Variants in DENND4C observed in about 807,000 individuals in gnomAD.
The protein encoded by DENND4C is DENN domain-containing protein 4C.
In DENND4C, 108 loss-of-function variants were observed where a neutral mutation model predicts 203.0. The ratio of observed to expected loss-of-function variants is 0.53; its 90% CI spans 0.46 to 0.62. DENND4C has a LOEUF of 0.62. DENND4C is among the 20% of genes least tolerant of loss of function. The pLI is 0.00. For missense variants in DENND4C, 2,481 were observed against 2,301.2 expected (o/e 1.08, Z -1.60); for synonymous variants, 871 against 792.4 (o/e 1.10, Z -1.67).
At chr9:19,249,749 T>TA (rs1292157263) in intron 1 of DENND4C, among the ~76,000 whole-genome samples, 8 of 151,950 alleles carry the variant, frequency 5.3e-5, no homozygotes, top group African/African-American at 1.9e-4. Context: ...CAGTGGCACT[T>TA]ACGGCTCAAA....
Position 19,294,040 on chromosome 9 carries a change from T to C in DENND4C, c.802-1968T>C, listed in dbSNP as rs77157522. 5.0e-3 allele frequency among the ~76,000 whole-genome samples: 758 copies of C among 152,240 alleles called. 5 individuals are homozygous for C. Among genetic ancestry groups the C allele is most frequent in the African/African-American group, 0.017 (721 of 41,538 alleles). Reference sequence around the variant, plus strand: ...AAGTGTTTAGATGATGAGCTCACTTTTGAAAATATTGGTTTGAGATGCCTG... The same window carrying C: ...AAGTGTTTAGATGATGAGCTCACTTCTGAAAATATTGGTTTGAGATGCCTG... On this transcript the variant is annotated intron_variant, in intron 5 of 32. Transcript: ENST00000434457.
chr9:19,347,464 T>C (rs1187015982), intron 23 of DENND4C, among the ~76,000 whole-genome samples: 2 of 152,202 alleles, frequency 1.3e-5, no homozygotes, highest in African/African-American at 2.4e-5. Flanking sequence ...ATATTTTGCA[T>C]AGTCTATCTA....
In DENND4C at chr9:19,263,998, A is replaced by G. The variant is rs375582412; in HGVS notation, c.-17-12160A>G. 2.6e-5 allele frequency among the ~76,000 whole-genome samples: 4 copies of G among 152,208 alleles called. No individual in the cohort carries two copies. The East Asian group carries it at 7.7e-4, about 29-fold the overall frequency. ...TGATGTGTCTTTGTCTGGTTTTGGT[A>G]ACAGGTTCATACTGGCCTTACAGAA... On this transcript the variant is annotated intron_variant, in intron 1 of 32. Transcript: ENST00000434457.
intron 1 of DENND4C, among the ~76,000 whole-genome samples, chr9:19,240,049 C>T (rs1823278713): frequency 6.6e-6 from 1 of 152,188 alleles, no homozygotes; most frequent in South Asian, 2.1e-4. Flanking sequence ...CTGTTTATTT[C>T]TCCTTTCAGG....
intron 12 of DENND4C, among the ~76,000 whole-genome samples, chr9:19,320,903 T>G (rs1842773743): frequency 6.6e-6 from 1 of 152,234 alleles, no homozygotes; most frequent in Admixed American, 6.5e-5. Flanking sequence ...TTTATTTCTA[T>G]TTTATTTAAG....
intron 7 of DENND4C, 71 bp downstream of exon 7, chr9:19,298,193 G>A (rs888955907): frequency 3.6e-6 from 5 of 1,400,082 alleles, no homozygotes; most frequent in Non-Finnish European, 5.0e-6. Flanking sequence ...AGTGGATTCT[G>A]TATACCTTTG....
Position 19,346,895 on chromosome 9 carries a change from T to G in DENND4C, c.4126T>G (p.Ser1376Ala). Reference sequence around the variant, plus strand: ...TCATAAAGAACGTTCAACTTCTTTGTCAGCACTGGTGCGTTCTTCGCCACA... The same window carrying G: ...TCATAAAGAACGTTCAACTTCTTTGGCAGCACTGGTGCGTTCTTCGCCACA... ...RTHKERSTSL[S>A]ALVRSSPHGS... is the part of the protein sequence containing the mutation. The change falls in exon 23 of 33, where the codon TCA (serine) becomes GCA (alanine). Residue 1376 changes from serine to alanine, a missense_variant. Transcript: ENST00000434457. 6.2e-7 allele frequency: 1 copy of G among 1,614,246 alleles called. No individual in the cohort carries two copies. The highest frequency in any genetic ancestry group is 8.5e-7 in the Non-Finnish European group (1 of 1,180,038).
At chr9:19,249,037 C>G (rs776551472) in intron 1 of DENND4C, among the ~76,000 whole-genome samples, 2 of 152,098 alleles carry the variant, frequency 1.3e-5, no homozygotes, top group Non-Finnish European at 1.5e-5. Flanking sequence ...TTGATCCACC[C>G]TTCTCGGTCT....
intron 1 of DENND4C, among the ~76,000 whole-genome samples, chr9:19,266,243 A>G (rs1382939287): frequency 6.6e-6 from 1 of 152,198 alleles, no homozygotes; most frequent in East Asian, 1.9e-4. Flanking sequence ...TGTTGGCTGC[A>G]TAAATATATC....
chr9:19,357,973 T>A lies in DENND4C; in HGVS notation c.4973T>A (p.Ile1658Lys), dbSNP rs1825746528. Reference protein sequence around the residue: ...TGSAVEPSDEIKRASGDVQTM... With the variant: ...TGSAVEPSDEKKRASGDVQTM... ...CTATATTTATTTTTAAGTGATGAAATAAAGAGAGCCAGTGGAGATGTCCAA... is the reference window on the plus strand; with the variant it reads ...CTATATTTATTTTTAAGTGATGAAAAAAAGAGAGCCAGTGGAGATGTCCAA... Residue 1658 changes from isoleucine (I) to lysine (K), a missense_variant, in exon 28 of 33, where the codon ATA becomes AAA. Ile to Lys is a moderately radical substitution (Grantham distance 102, BLOSUM62 -3). Around this residue, in one of 3 missense-constraint regions of DENND4C, gnomAD observed 2,289 missense variants for 2,113.3 expected, o/e 1.08. Coordinates refer to ENST00000434457, the MANE Select transcript of DENND4C (RefSeq NM_001330640.2). 6.9e-6 allele frequency: 11 copies of A among 1,604,674 alleles called. No individual in the cohort carries two copies. The highest frequency in any genetic ancestry group is 9.4e-6 in the Non-Finnish European group (11 of 1,174,212).
chr9:19,316,658 G>A lies in DENND4C; in HGVS notation c.1626G>A (p.Met542Ile), dbSNP rs1211719557. 1.2e-6 allele frequency: 2 copies of A among 1,613,880 alleles called. No individual in the cohort carries two copies. The highest frequency in any genetic ancestry group is 1.7e-6 in the Non-Finnish European group (2 of 1,180,000). The part of the protein sequence containing the change: ...QKTQEGSAID[M>I]TPIEADFSWQ... Reference sequence around the variant, plus strand: ...CTCAAGAAGGCTCAGCGATTGACATGACTCCAATTGAAGCAGATTTCTCCT... The same window carrying A: ...CTCAAGAAGGCTCAGCGATTGACATAACTCCAATTGAAGCAGATTTCTCCT... The change falls in exon 12 of 33, where the codon ATG (methionine) becomes ATA (isoleucine). Residue 542 changes from methionine to isoleucine, a missense_variant. Physicochemically the swap from Met to Ile is conservative, Grantham distance 10. Coordinates refer to ENST00000434457, the MANE Select transcript of DENND4C (RefSeq NM_001330640.2).
At chr9:19,284,607 A>G (rs1192323318) in intron 2 of DENND4C, among the ~76,000 whole-genome samples, 4 of 152,128 alleles carry the variant, frequency 2.6e-5, no homozygotes, top group Non-Finnish European at 5.9e-5. Flanking sequence ...TCCCATCAAC[A>G]AAGTATGTGG....
intron 18 of DENND4C, 95 bp from the exon 19 acceptor site, chr9:19,336,175 A>G (rs1339599356): frequency 1.8e-6 from 2 of 1,083,924 alleles, no homozygotes; most frequent in Non-Finnish European, 2.5e-6. Context: ...ATTTGTGTAT[A>G]TATATATATA....
chr9:19,282,625 A>C (rs553328019), intron 2 of DENND4C, among the ~76,000 whole-genome samples: 4 of 150,524 alleles, frequency 2.7e-5, no homozygotes, highest in Non-Finnish European at 5.9e-5. Context: ...TCCTAGGCTC[A>C]AGTGATCCAG....
chr9:19,322,731 CA>C (rs35416492), intron 12 of DENND4C, among the ~76,000 whole-genome samples: 16,813 of 65,566 alleles, frequency 0.26, 1,215 homozygotes, highest in Middle Eastern at 0.43. Context: ...GACTTCATCT[CA>C]AAAAAAAAAA....
intron 1 of DENND4C, among the ~76,000 whole-genome samples, chr9:19,251,704 A>G (rs1826645166): frequency 6.6e-6 from 1 of 152,146 alleles, no homozygotes; most frequent in Non-Finnish European, 1.5e-5. Flanking sequence ...CATCTCTCTC[A>G]AGTTCAAAGT....
chr9:19,342,991 A>G (rs1283190774), intron 22 of DENND4C, among the ~76,000 whole-genome samples: 1 of 152,140 alleles, frequency 6.6e-6, no homozygotes, highest in South Asian at 2.1e-4. Context: ...TGTGTTTGTT[A>G]TTTGGAATAC....
rs192142276 is a variant in DENND4C, at chr9:19,316,561, C to T, written c.1588+44C>T. On this transcript the variant is annotated intron_variant, in intron 11 of 32. Transcript: ENST00000434457. ...AATATTATTAATGAAGGAATGTATA[C>T]GAGAAAATTCTTCTTAAATTTAACA... 2,261 of 1,599,334 alleles carry T rather than the reference C, an allele frequency of 1.4e-3. 3 individuals are homozygous for T. Among genetic ancestry groups the T allele is most frequent in the Middle Eastern group, 3.5e-3 (21 of 6,000 alleles).
chr9:19,324,483 A>G lies in DENND4C; in HGVS notation c.1929A>G (p.Ala643=), dbSNP rs771913523. The part of the protein sequence containing the change: ...SFVSDKDTGL[A]FFDDCIEKLF... ...TAAGTGATAAAGATACTGGATTAGC[A>G]TTTTTTGATGACTGCATAGAAAAGG... is the stretch of plus-strand genomic sequence containing the variant. Residue 643 remains alanine (A), a synonymous_variant, in exon 13 of 33, where the codon GCA becomes GCG. Transcript: ENST00000434457. 1.2e-6 allele frequency: 2 copies of G among 1,607,338 alleles called. No individual in the cohort carries two copies. The highest frequency in any genetic ancestry group is 4.5e-5 in the East Asian group (2 of 44,754).
Sources: gnomAD v4.1 joint callset for allele counts (sites outside exome capture counted in the v4.1 genomes callset) on GRCh38, gnomAD v4.1.1 for gene constraint, gnomAD v4.1.1 regional missense constraint, MANE v1.5 for transcripts, NCBI Gene and HGNC (gene_info 2026-07-23, HGNC 2026-07-21) for gene names.